TPPP: variants seen among roughly 807,000 people sequenced by gnomAD.
TPPP encodes tubulin polymerization promoting protein.
A neutral mutation model predicts 15.5 loss-of-function variants in TPPP; 6 were observed. The observed-to-expected ratio is 0.39, with a 90% CI of 0.21 to 0.77. The LOEUF is 0.77. TPPP is among the 30% of genes least tolerant of loss of function. TPPP has a pLI of 0.42. For missense variants in TPPP, 269 were observed against 307.2 expected, an observed-to-expected ratio of 0.88 and a Z score of 0.93; for synonymous variants, 146 against 133.9, an observed-to-expected ratio of 1.09 and a Z score of -0.63.
At chr5:698,506 G>A in the TPPP span, among the ~76,000 whole-genome samples, 12 of 152,086 alleles carry the variant, frequency 7.9e-5, no homozygotes, top group East Asian at 3.9e-4. Context: ...AGTTCCACAC[G>A]GCTGGGGAGG....
chr5:682,639 G>A (rs1740659857), intron 1 of TPPP, among the ~76,000 whole-genome samples: 1 of 149,854 alleles, frequency 6.7e-6, no homozygotes, highest in Non-Finnish European at 1.5e-5. Context: ...CCAGGGGTCT[G>A]CCCCTTGGGC....
chr5:693,594 C>A (rs1198509055), upstream of TPPP, among the ~76,000 whole-genome samples: 1 of 151,726 alleles, frequency 6.6e-6, no homozygotes, highest in African/African-American at 2.4e-5. Flanking sequence ...CCGCTCAGCG[C>A]AGGGCGCGGC....
In TPPP at chr5:664,090, C is replaced by CG. The variant is rs28364690; in HGVS notation, c.*1011dup. ...TCCTCCCTAGTGTCCTGCTCTCCGG[C>CG]GGGGGGGATTGGCCAGGAGAGGTTA... On this transcript the variant is annotated 3_prime_UTR_variant, in exon 4 of 4. Coordinates refer to ENST00000360578, the MANE Select transcript of TPPP (RefSeq NM_007030.3). 0.13 allele frequency: 19,166 copies of CG among 152,456 alleles called. 1,313 individuals are homozygous for CG. The highest frequency in any genetic ancestry group is 0.27 in the South Asian group (1,298 of 4,820). 9.4% of individuals were successfully genotyped at this position (152,456 alleles called of 1,614,324 possible). A position where few individuals can be genotyped will look rare whatever the true frequency, so the allele number is the denominator to read the frequency against.
chr5:669,943 C>T (rs1298550942), intron 2 of TPPP, among the ~76,000 whole-genome samples: 2 of 152,150 alleles, frequency 1.3e-5, no homozygotes, highest in Admixed American at 6.5e-5. Flanking sequence ...GAGGAGCCTC[C>T]GAGTGTGGAG....
intron 2 of TPPP, among the ~76,000 whole-genome samples, chr5:673,388 G>A (rs971020372): frequency 6.6e-6 from 1 of 152,162 alleles, no homozygotes; most frequent in Non-Finnish European, 1.5e-5. Flanking sequence ...ACAGTTTGAG[G>A]GTGGGAGAGA....
rs1010418123 is a variant in TPPP, at chr5:660,242, T to C, written c.*4860A>G. ...ATATATATATATAAATTTGTTTCCCTTTCTTGAAAAAAACTTAGTACAAAC... is the reference window on the plus strand; with the variant it reads ...ATATATATATATAAATTTGTTTCCCCTTCTTGAAAAAAACTTAGTACAAAC... On this transcript the variant is annotated 3_prime_UTR_variant, in exon 4 of 4. Transcript: ENST00000360578. 2 of 151,804 alleles carry C rather than the reference T, an allele frequency of 1.3e-5. No homozygotes were observed. The highest frequency in any genetic ancestry group is 4.8e-5 in the African/African-American group (2 of 41,362). The allele number at this position is 151,804 out of a possible 1,614,324, so 9.4% of individuals were successfully genotyped here.
intron 2 of TPPP, among the ~76,000 whole-genome samples, chr5:677,408 T>C (rs1410441846): frequency 6.6e-6 from 1 of 152,044 alleles, no homozygotes; most frequent in Non-Finnish European, 1.5e-5. Context: ...GCTCCCTGAC[T>C]CCGGGGAGCA....
chr5:676,904 C>T (rs1050706890), intron 2 of TPPP, among the ~76,000 whole-genome samples: 3 of 134,380 alleles, frequency 2.2e-5, no homozygotes, highest in African/African-American at 6.8e-5. Flanking sequence ...AACGCGCACG[C>T]GCGCATACAC....
upstream of TPPP, among the ~76,000 whole-genome samples, chr5:693,716 G>C (rs1457011885): frequency 5.3e-5 from 8 of 151,084 alleles, no homozygotes; most frequent in Non-Finnish European, 1.0e-4. Context: ...CAGGACGCGC[G>C]TTGACGGTGC....
chr5:685,886 C>T (rs573873633), intron 1 of TPPP, among the ~76,000 whole-genome samples: 6 of 152,184 alleles, frequency 3.9e-5, no homozygotes, highest in South Asian at 2.1e-4. Flanking sequence ...GACAGGGAGA[C>T]GCAGGTGGGA....
intron 1 of TPPP, among the ~76,000 whole-genome samples, chr5:678,870 A>G (rs1441670918): frequency 1.3e-5 from 2 of 152,180 alleles, no homozygotes; most frequent in African/African-American, 2.4e-5. Flanking sequence ...ACGCAGGGCT[A>G]CGCCACAGGG....
At chr5:688,667 C>T (rs1740827733) in intron 1 of TPPP, among the ~76,000 whole-genome samples, 1 of 142,590 alleles carries the variant, frequency 7.0e-6, no homozygotes, top group African/African-American at 2.5e-5. Flanking sequence ...ACGAAGGTGG[C>T]AGGAACAAGC....
chr5:676,854 C>T (rs945169712), intron 2 of TPPP, among the ~76,000 whole-genome samples: 3 of 145,798 alleles, frequency 2.1e-5, no homozygotes, highest in Non-Finnish European at 4.5e-5. Flanking sequence ...GACACAGAAA[C>T]GCGCACACAC....
At chr5:669,459 G>T (rs1292028187) in intron 2 of TPPP, among the ~76,000 whole-genome samples, 4 of 152,152 alleles carry the variant, frequency 2.6e-5, no homozygotes, top group Non-Finnish European at 5.9e-5. Flanking sequence ...ATTGGGCCCT[G>T]TGGGGGTGTT....
rs2126859824 is a variant in TPPP at position 663,595 on chromosome 5, G to A, written c.*1507C>T. 6.6e-6 allele frequency: 1 copy of A among 152,542 alleles called. No individual in the cohort carries two copies. Among genetic ancestry groups the A allele is most frequent in the South Asian group, 2.1e-4 (1 of 4,826 alleles). 9.4% of individuals were successfully genotyped at this position (152,542 alleles called of 1,614,324 possible). ...CAGGTAGGGGGAGTCCTTCCACGGA[G>A]CTGTGGCCGCAGCAGGTGCACTCTT... On this transcript the variant is annotated 3_prime_UTR_variant, in exon 4 of 4. Coordinates refer to ENST00000360578, the MANE Select transcript of TPPP (RefSeq NM_007030.3).
At chr5:665,340 A>G (rs575356943) in intron 3 of TPPP, 44 bp from the exon 4 acceptor site, 9 of 1,559,992 alleles carry the variant, frequency 5.8e-6, no homozygotes, top group African/African-American at 1.4e-5. Context: ...GTTGCGAGCC[A>G]GGTGAGGCCA....
rs374543441 is a variant in TPPP at position 678,237 on chromosome 5, C to T, written c.-4-173G>A. On this transcript the variant is annotated intron_variant, in intron 1 of 3. Coordinates refer to ENST00000360578, the MANE Select transcript of TPPP (RefSeq NM_007030.3). The stretch of plus-strand genomic sequence containing the variant: ...CCTCAGACCCTTGGAGCCAGCTGCC[C>T]CGCAGGCACGCATGTCCAGCCCCGG... Among the ~76,000 whole-genome samples the T allele has an allele frequency of 2.7e-4, 41 of 150,332 alleles. No homozygotes were observed. In the East Asian group the frequency reaches 7.4e-3, roughly 27 times the overall value.
Position 664,922 on chromosome 5 carries a change from T to G in TPPP, c.*180A>C. ...GCCCAAACCTGGTTTGAGAGGGGAG[T>G]GCTGGGGGCATCCGGTAGGAGGAGG... On this transcript the variant is annotated 3_prime_UTR_variant, in exon 4 of 4. Coordinates refer to ENST00000360578, the MANE Select transcript of TPPP (RefSeq NM_007030.3). 4 of 654,210 alleles carry G rather than the reference T, an allele frequency of 6.1e-6. No homozygotes were observed. The highest frequency in any genetic ancestry group is 1.8e-5 in the African/African-American group (1 of 54,546). 40.5% of individuals were successfully genotyped at this position (654,210 alleles called of 1,614,324 possible).
upstream of TPPP, among the ~76,000 whole-genome samples, chr5:694,349 G>A (rs1038990164): frequency 1.5e-5 from 2 of 134,458 alleles, no homozygotes; most frequent in African/African-American, 5.0e-5. Flanking sequence ...AGGAGGAAGG[G>A]GTGCCTCTGG....
Sources: gnomAD v4.1 joint callset for allele counts (sites outside exome capture counted in the v4.1 genomes callset) on GRCh38, gnomAD v4.1.1 for gene constraint, MANE v1.5 for transcripts, NCBI Gene and HGNC (gene_info 2026-07-23, HGNC 2026-07-21) for gene names.